The following CD8B variants were observed in gnomAD, a reference collection of about 807,000 sequenced individuals.
CD8B encodes the protein CD8 subunit beta, also known as T-cell surface glycoprotein CD8 beta chain.
Under a neutral mutation model 24.2 loss-of-function variants are expected in CD8B, and 6 were observed. The ratio of observed to expected loss-of-function variants is 0.25; its 90% CI spans 0.14 to 0.49. The LOEUF (loss-of-function observed/expected upper bound fraction) is 0.49, where lower values mean the gene tolerates loss of function less well. Among genes scored for constraint, CD8B ranks in the 20% least tolerant of loss-of-function variants. CD8B has a pLI of 0.98. For missense variants in CD8B, 196 were observed against 271.3 expected, an observed-to-expected ratio of 0.72 and a Z score of 1.95; for synonymous variants, 84 against 108.3, an observed-to-expected ratio of 0.78 and a Z score of 1.39.
At chr2:86,852,071 G>T (rs559351492) in intron 3 of CD8B, among the ~76,000 whole-genome samples, 4 of 152,036 alleles carry the variant, frequency 2.6e-5, no homozygotes, top group African/African-American at 9.7e-5. Context: ...CAGGCTCAAG[G>T]CATCCACCTC....
intron 5 of CD8B, among the ~76,000 whole-genome samples, chr2:86,830,119 A>G (rs1674849251): frequency 6.6e-6 from 1 of 152,020 alleles, no homozygotes; most frequent in Admixed American, 6.6e-5. Context: ...GCTGGAGTGC[A>G]GTGGTACGAT....
Position 86,818,028 on chromosome 2 carries a change from G to T in CD8B, c.621-2310C>A, listed in dbSNP as rs369092223. On this transcript the variant is annotated intron_variant, in intron 5 of 5. Transcript: ENST00000331469. ...AGTTCGAGACCAGCCTGGCCAACAT[G>T]ATGAAACCCTGTTTCTACTAAAAAT... Among the ~76,000 whole-genome samples the T allele has an allele frequency of 9.2e-5, 14 of 152,172 alleles. No homozygotes were observed. The East Asian group carries it at 1.5e-3, about 17-fold the overall frequency.
At chr2:86,816,400 C>T (rs1033385090) in intron 5 of CD8B, among the ~76,000 whole-genome samples, 2 of 152,134 alleles carry the variant, frequency 1.3e-5, no homozygotes, top group African/African-American at 4.8e-5. Context: ...ATTCAAAATG[C>T]CAACCAGATT....
At chr2:86,833,524 C>CTCCGCTCTCCTCCCCTCCCG (rs1413602972), downstream of CD8B, among the ~76,000 whole-genome samples, 2 of 133,132 alleles carry the variant, frequency 1.5e-5, no homozygotes, top group African/African-American at 2.9e-5. Context: ...CTCCCCTCCC[C>CTCCGCTCTCCTCCCCTCCCG]TCCGCTCTCC....
chr2:86,821,801 T>A (rs1164521239), intron 5 of CD8B: 1 of 383,062 alleles, frequency 2.6e-6, no homozygotes, highest in Non-Finnish European at 5.6e-6. Flanking sequence ...CCCCGTCCTC[T>A]CCAAAGGGAA....
At chr2:86,817,237 T>C (rs374062363) in intron 5 of CD8B, among the ~76,000 whole-genome samples, 1 of 152,188 alleles carries the variant, frequency 6.6e-6, no homozygotes, top group Non-Finnish European at 1.5e-5. Flanking sequence ...TGGAGATAAT[T>C]TGGGATATCT....
intron 5 of CD8B, chr2:86,843,784 G>A (rs1481059843): frequency 2.9e-5 from 14 of 488,768 alleles, no homozygotes; most frequent in African/African-American, 4.2e-5. Flanking sequence ...CTGACTGTGA[G>A]ATTGGCACTG....
chr2:86,853,366 T>A (rs1676071396), intron 2 of CD8B, among the ~76,000 whole-genome samples: 1 of 151,918 alleles, frequency 6.6e-6, no homozygotes, highest in Non-Finnish European at 1.5e-5. Flanking sequence ...CACCTGAGCT[T>A]GGGAAGTCAA....
At chr2:86,837,614 G>T (rs1675229595), downstream of CD8B, among the ~76,000 whole-genome samples, 1 of 149,274 alleles carries the variant, frequency 6.7e-6, no homozygotes, top group East Asian at 2.0e-4. Flanking sequence ...GCCCACGCGG[G>T]GTCGGGGATC....
downstream of CD8B, among the ~76,000 whole-genome samples, chr2:86,834,489 A>C (rs201686591): frequency 1.1e-5 from 1 of 94,176 alleles, no homozygotes; most frequent in African/African-American, 3.6e-5. Context: ...CACACACACA[A>C]AAGTCTTAAC....
chr2:86,815,767 G>T, intron 5 of CD8B: 1 of 1,001,126 alleles, frequency 1.0e-6, no homozygotes, highest in South Asian at 1.3e-5. Flanking sequence ...CCAAGTCAAG[G>T]TGTTGGTTAC....
chr2:86,860,749 C>T (rs1676537545), intron 1 of CD8B, among the ~76,000 whole-genome samples: 1 of 152,226 alleles, frequency 6.6e-6, no homozygotes, highest in African/African-American at 2.4e-5. Context: ...GTGCCCGAAG[C>T]CCTTCCGGGA....
chr2:86,859,451 G>A (rs575605592), intron 1 of CD8B, among the ~76,000 whole-genome samples: 3 of 152,288 alleles, frequency 2.0e-5, no homozygotes, highest in Admixed American at 6.5e-5. Flanking sequence ...TCTTATGAAC[G>A]GAGGACAGCT....
downstream of CD8B, among the ~76,000 whole-genome samples, chr2:86,837,169 A>G (rs539749328): frequency 1.3e-5 from 2 of 152,268 alleles, no homozygotes; most frequent in South Asian, 4.1e-4. Context: ...ACAACAACAA[A>G]ATTATGTAGA....
intron 5 of CD8B, among the ~76,000 whole-genome samples, chr2:86,825,673 G>T (rs1674651475): frequency 6.6e-6 from 1 of 152,156 alleles, no homozygotes; most frequent in Non-Finnish European, 1.5e-5. Flanking sequence ...ACACCTCTCC[G>T]AAGAAGCCAA....
chr2:86,821,953 C>T (rs935220782), intron 5 of CD8B, among the ~76,000 whole-genome samples: 5 of 152,164 alleles, frequency 3.3e-5, no homozygotes, highest in African/African-American at 1.2e-4. Flanking sequence ...GGCTTGGGCA[C>T]TTCTTTCAGG....
At chr2:86,849,820 C>A (rs935001358) in intron 3 of CD8B, among the ~76,000 whole-genome samples, 4 of 151,292 alleles carry the variant, frequency 2.6e-5, no homozygotes, top group African/African-American at 9.7e-5. Context: ...TCTCCTTCCT[C>A]AGCCTCCTAA....
chr2:86,839,883 T>G lies in CD8B; in HGVS notation c.*2424A>C, dbSNP rs1675339288. The stretch of plus-strand genomic sequence containing the variant: ...TCTTATTTGTTTGTGATGGGCCGGG[T>G]GAGGGGCCCACCTGAAACACGAACC... On this transcript the variant is annotated 3_prime_UTR_variant, in exon 6 of 6. Coordinates refer to ENST00000390655, the MANE Select transcript of CD8B (RefSeq NM_004931.5). 1.3e-5 allele frequency among the ~76,000 whole-genome samples: 2 copies of G among 152,280 alleles called. No individual in the cohort carries two copies. Among genetic ancestry groups the G allele is most frequent in the African/African-American group, 4.8e-5 (2 of 41,562 alleles).
At chr2:86,844,835 C>T in intron 5 of CD8B, 87 bp downstream of exon 5, 1 of 1,550,026 alleles carries the variant, frequency 6.5e-7, no homozygotes, top group Non-Finnish European at 8.7e-7. Context: ...AAGATGAGGT[C>T]TGACTTTGGC....
Sources: gnomAD v4.1 joint callset for allele counts (sites outside exome capture counted in the v4.1 genomes callset) on GRCh38, gnomAD v4.1.1 for gene constraint, MANE v1.5 for transcripts, NCBI Gene and HGNC (gene_info 2026-07-23, HGNC 2026-07-21) for gene names.